SAMMSON: variants seen among roughly 807,000 people sequenced by gnomAD.
The protein encoded by SAMMSON is survival associated mitochondrial melanoma specific oncogenic non-coding RNA.
chr3:70,354,812 T>G (rs1302056876), intron 8 of SAMMSON, among the ~76,000 whole-genome samples: 3 of 152,170 alleles, frequency 2.0e-5, no homozygotes, highest in Non-Finnish European at 1.5e-5. Context: ...CAGCGTTCCT[T>G]CCCTCTGTCC....
In SAMMSON at chr3:70,256,229, T is replaced by C. The variant is rs182788577; in HGVS notation, n.674+6559T>C. Among the ~76,000 whole-genome samples, 27 of 152,342 alleles carry C rather than the reference T, an allele frequency of 1.8e-4. No individual in the cohort carries two copies. In the East Asian group the frequency reaches 4.8e-3, roughly 27 times the overall value. On this transcript the variant is annotated intron_variant and non_coding_transcript_variant, in intron 6 of 9. Coordinates refer to ENST00000642114, the Ensembl canonical transcript of SAMMSON. ...TTAGTTGTAAAGTTTTTGTTTCTAATAAAAATGAAGCCACTTTCTGGGAAT... is the reference window on the plus strand; with the variant it reads ...TTAGTTGTAAAGTTTTTGTTTCTAACAAAAATGAAGCCACTTTCTGGGAAT...
At chr3:70,160,048 T>G (rs976457478) in intron 4 of SAMMSON, among the ~76,000 whole-genome samples, 2 of 152,120 alleles carry the variant, frequency 1.3e-5, no homozygotes, top group Non-Finnish European at 2.9e-5. Flanking sequence ...TATAAATTCT[T>G]TGTTAGACAC....
chr3:70,245,638 A>C (rs1701699178), intron 4 of SAMMSON, among the ~76,000 whole-genome samples: 1 of 143,462 alleles, frequency 7.0e-6, no homozygotes, highest in Non-Finnish European at 1.5e-5. Flanking sequence ...AAATCAGAAT[A>C]TGGATTCTTG....
At chr3:70,198,759 A>G (rs892127639) in intron 4 of SAMMSON, among the ~76,000 whole-genome samples, 5 of 152,062 alleles carry the variant, frequency 3.3e-5, no homozygotes, top group Non-Finnish European at 5.9e-5. Flanking sequence ...CAATACCTCT[A>G]CTGTGTACAA....
chr3:70,358,806 T>A (rs572752361), intron 9 of SAMMSON, among the ~76,000 whole-genome samples: 1 of 152,296 alleles, frequency 6.6e-6, no homozygotes, highest in African/African-American at 2.4e-5. Flanking sequence ...ATTACTTTCT[T>A]CAATGATGTG....
chr3:70,384,985 A>T (rs1703108317), intron 9 of SAMMSON, among the ~76,000 whole-genome samples: 1 of 152,064 alleles, frequency 6.6e-6, no homozygotes, highest in Non-Finnish European at 1.5e-5. Context: ...TTTAATAGCC[A>T]CATGTGCCAG....
At chr3:70,288,609 A>C (rs9882359) in intron 6 of SAMMSON, among the ~76,000 whole-genome samples, 7,853 of 149,588 alleles carry the variant, frequency 0.052, 537 homozygotes, top group East Asian at 0.35. Flanking sequence ...ATTCCTGGGT[A>C]TCCTTGTTGA....
At chr3:70,178,806 AGAGACCAGCT>A (rs1167727047) in intron 4 of SAMMSON, among the ~76,000 whole-genome samples, 2 of 152,140 alleles carry the variant, frequency 1.3e-5, no homozygotes, top group Non-Finnish European at 2.9e-5. Context: ...GCCAGGAGTT[AGAGACCAGCT>A]TGGGCAAAAT....
intron 6 of SAMMSON, among the ~76,000 whole-genome samples, chr3:70,256,591 C>T (rs137983600): frequency 2.2e-3 from 340 of 152,274 alleles, no homozygotes; most frequent in Middle Eastern, 3.4e-3. Flanking sequence ...CCACTTGCTG[C>T]TCCATCAGTA....
chr3:70,388,675 T>C (rs551579705), intron 9 of SAMMSON, among the ~76,000 whole-genome samples: 1 of 152,274 alleles, frequency 6.6e-6, no homozygotes, highest in African/African-American at 2.4e-5. Flanking sequence ...GGTAACATCA[T>C]CCCGTGCTTA....
intron 7 of SAMMSON, among the ~76,000 whole-genome samples, chr3:70,326,871 T>TA (rs1341052683): frequency 6.6e-6 from 1 of 152,160 alleles, no homozygotes; most frequent in East Asian, 1.9e-4. Flanking sequence ...TATATATATA[T>TA]TTTTTGAGAC....
At chr3:70,417,993 G>A (rs747528807) in intron 2 of SAMMSON, among the ~76,000 whole-genome samples, 4 of 152,180 alleles carry the variant, frequency 2.6e-5, no homozygotes, top group Admixed American at 6.5e-5. Flanking sequence ...TGGGAGCTTT[G>A]CCTCATTTTG....
intron 4 of SAMMSON, among the ~76,000 whole-genome samples, chr3:70,192,550 C>T (rs1701138774): frequency 6.6e-6 from 1 of 152,114 alleles, no homozygotes; most frequent in Non-Finnish European, 1.5e-5. Flanking sequence ...TCCTGGCCTC[C>T]CACCAAAAAG....
intron 1 of SAMMSON, among the ~76,000 whole-genome samples, chr3:70,004,673 C>T (rs1280321930): frequency 6.6e-6 from 1 of 152,126 alleles, no homozygotes; most frequent in Non-Finnish European, 1.5e-5. Flanking sequence ...AAAATTTAGT[C>T]AGCATACAAA....
At chr3:70,166,609 C>T (rs1031402348) in intron 4 of SAMMSON, among the ~76,000 whole-genome samples, 7 of 151,778 alleles carry the variant, frequency 4.6e-5, no homozygotes, top group Admixed American at 3.3e-4. Context: ...TGGCTGCTCC[C>T]GTAGAGGTAG....
intron 7 of SAMMSON, among the ~76,000 whole-genome samples, chr3:70,317,193 A>AGT (rs966949541): frequency 1.4e-4 from 21 of 152,130 alleles, no homozygotes; most frequent in Admixed American, 8.5e-4. Context: ...AAGCATTGTA[A>AGT]GTGTGTGTAT....
chr3:70,404,810 A>T (rs118168962), intron 2 of SAMMSON, among the ~76,000 whole-genome samples: 53 of 152,082 alleles, frequency 3.5e-4, no homozygotes, highest in Non-Finnish European at 1.0e-4. Flanking sequence ...AAAGCACAAC[A>T]ATCTCCCTGA....
At chr3:70,101,649 G>T (rs2067346739) in intron 4 of SAMMSON, among the ~76,000 whole-genome samples, 2 of 152,072 alleles carry the variant, frequency 1.3e-5, no homozygotes. Flanking sequence ...ACATGCTAAT[G>T]TATTTAAAAT....
chr3:70,100,526 G>T (rs866928997), intron 4 of SAMMSON, among the ~76,000 whole-genome samples: 2 of 3,548 alleles, frequency 5.6e-4, no homozygotes, highest in Non-Finnish European at 1.1e-3. Context: ...GGGGGGGGGG[G>T]GGGGGGGAAG....
Sources: allele counts gnomAD v4.1 joint callset (sites outside exome capture counted in the v4.1 genomes callset), GRCh38; gene constraint gnomAD v4.1.1; transcripts MANE v1.5; gene names NCBI Gene and HGNC (gene_info 2026-07-23, HGNC 2026-07-21).